NCKAP5: variants seen among roughly 807,000 people sequenced by gnomAD.
NCKAP5 encodes the protein NCK associated protein 5.
NCKAP5 carries 92 observed loss-of-function variants against 167.0 expected under a neutral mutation model. The ratio of observed to expected loss-of-function variants is 0.55; its 90% confidence interval spans 0.47 to 0.66. The LOEUF is 0.66. NCKAP5 is among the 30% of genes least tolerant of loss of function. The pLI, the probability that NCKAP5 is intolerant of heterozygous loss-of-function variation, is 0.00. For missense variants in NCKAP5, 2,378 were observed against 2,315.0 expected (o/e 1.03, Z -0.56); for synonymous variants, 891 against 877.4 (o/e 1.02, Z -0.27).
chr2:133,124,156 G>A lies in NCKAP5; in HGVS notation c.341+5822C>T, dbSNP rs566114270. On this transcript the variant is annotated intron_variant, in intron 6 of 19. Transcript: ENST00000409261. ...AAGGCTGTGGATGACGGTGCCAGGG[G>A]AGAAGGTCAGAACAGGTGCAAAGAA... 5.3e-5 allele frequency among the ~76,000 whole-genome samples: 8 copies of A among 152,338 alleles called. No homozygotes were observed. The South Asian group carries it at 1.5e-3, about 28-fold the overall frequency.
chr2:132,709,161 C>T (rs1479201288), intron 19 of NCKAP5, among the ~76,000 whole-genome samples: 1 of 151,628 alleles, frequency 6.6e-6, no homozygotes, highest in Non-Finnish European at 1.5e-5. Flanking sequence ...CCCCACCAAA[C>T]CAAAAGCAAG....
Position 132,975,498 on chromosome 2 carries a change from C to A in NCKAP5, c.430-11629G>T, listed in dbSNP as rs553715723. ...TTGCCTGCTCCATCTATCGGCAACACTTATTTCCCTAAAAAAATAGCCTCA... is the reference window on the plus strand; with the variant it reads ...TTGCCTGCTCCATCTATCGGCAACAATTATTTCCCTAAAAAAATAGCCTCA... On this transcript the variant is annotated intron_variant, in intron 7 of 19. Coordinates refer to ENST00000409261, the MANE Select transcript of NCKAP5 (RefSeq NM_207363.3). 2.6e-5 allele frequency among the ~76,000 whole-genome samples: 4 copies of A among 152,260 alleles called. No individual in the cohort carries two copies. The South Asian group carries it at 6.2e-4, about 24-fold the overall frequency.
intron 13 of NCKAP5, among the ~76,000 whole-genome samples, chr2:132,787,009 T>C (rs1558777637): frequency 6.6e-6 from 1 of 152,130 alleles, no homozygotes; most frequent in African/African-American, 2.4e-5. Flanking sequence ...CACTATTTCT[T>C]AAATGGTACT....
chr2:132,775,964 T>G (rs1286750905), intron 15 of NCKAP5, among the ~76,000 whole-genome samples: 1 of 152,210 alleles, frequency 6.6e-6, no homozygotes, highest in African/African-American at 2.4e-5. Flanking sequence ...TCTGCTGGCC[T>G]GTGAAATTCT....
At position 133,171,512 on chromosome 2, in the gene NCKAP5, G is replaced by A. The variant is rs2084248026; in HGVS notation, c.208-41401C>T. 1.3e-5 allele frequency among the ~76,000 whole-genome samples: 2 copies of A among 152,166 alleles called. 1 individual carries two copies. Among genetic ancestry groups the A allele is most frequent in the South Asian group, 4.1e-4 (2 of 4,822 alleles). On this transcript the variant is annotated intron_variant, in intron 5 of 19. Coordinates refer to ENST00000409261, the MANE Select transcript of NCKAP5 (RefSeq NM_207363.3). ...GAGAGGTCTGGTTCCATCATGCCCA[G>A]AGCACTATGTCACATGCATTCAACT...
At chr2:132,831,319 C>A (rs1227284259) in intron 11 of NCKAP5, among the ~76,000 whole-genome samples, 2 of 152,176 alleles carry the variant, frequency 1.3e-5, no homozygotes, top group African/African-American at 2.4e-5. Context: ...ATATCAAGAA[C>A]TGGCATTTCT....
At chr2:132,723,026 T>C (rs1690083438) in intron 19 of NCKAP5, among the ~76,000 whole-genome samples, 1 of 151,960 alleles carries the variant, frequency 6.6e-6, no homozygotes, top group Non-Finnish European at 1.5e-5. Flanking sequence ...AGGTTCTCAC[T>C]ATGTTGCCCA....
chr2:132,878,702 T>C (rs1190416344), intron 9 of NCKAP5, 146 bp downstream of exon 9: 1 of 677,918 alleles, frequency 1.5e-6, no homozygotes, highest in Admixed American at 2.3e-5. Context: ...CACTTCCTTT[T>C]CAATGGCTAC....
At chr2:133,612,648 TTCTCCTTGTTG>T in the NCKAP5 span, among the ~76,000 whole-genome samples, 1 of 152,200 alleles carries the variant, frequency 6.6e-6, no homozygotes, top group Non-Finnish European at 1.5e-5. Flanking sequence ...GGGCCTCCAT[TTCTCCTTGTTG>T]TCTCCTTGTT....
At chr2:133,091,977 G>A (rs771154887) in intron 6 of NCKAP5, among the ~76,000 whole-genome samples, 7 of 152,130 alleles carry the variant, frequency 4.6e-5, no homozygotes, top group African/African-American at 7.2e-5. Flanking sequence ...GTTTTGATGA[G>A]TACATTCTTC....
chr2:133,150,545 G>C (rs958306010), intron 5 of NCKAP5, among the ~76,000 whole-genome samples: 2 of 152,032 alleles, frequency 1.3e-5, no homozygotes, highest in African/African-American at 4.8e-5. Context: ...TGTCGGTGAG[G>C]GCTTCATCTA....
At chr2:132,736,264 C>T (rs901177410) in intron 16 of NCKAP5, among the ~76,000 whole-genome samples, 23 of 152,114 alleles carry the variant, frequency 1.5e-4, no homozygotes, top group African/African-American at 5.6e-4. Context: ...ATGCTGACAC[C>T]ATCTTTATGT....
chr2:133,531,566 G>A lies in NCKAP5; in HGVS notation c.-61-13979C>T, dbSNP rs544183991. On this transcript the variant is annotated intron_variant, in intron 2 of 19. Transcript: ENST00000409261. Reference sequence around the variant, plus strand: ...GCAACGTTTTTGGCTTTTCCTGTCCGATACTTACAAGTCTTGTTTCATTTT... The same window carrying A: ...GCAACGTTTTTGGCTTTTCCTGTCCAATACTTACAAGTCTTGTTTCATTTT... Among the ~76,000 whole-genome samples the A allele has an allele frequency of 3.0e-3, 456 of 152,054 alleles. 4 individuals carry two copies. Among genetic ancestry groups the A allele is most frequent in the Middle Eastern group, 6.8e-3 (2 of 294 alleles).
At chr2:132,682,919 C>G (rs950024567) in intron 19 of NCKAP5, among the ~76,000 whole-genome samples, 26 of 149,468 alleles carry the variant, frequency 1.7e-4, no homozygotes, top group Admixed American at 6.7e-4. Context: ...GAGTCTCACT[C>G]TGTTACCCAG....
intron 19 of NCKAP5, among the ~76,000 whole-genome samples, chr2:132,689,059 C>G (rs1399203170): frequency 6.6e-6 from 1 of 151,738 alleles, no homozygotes; most frequent in Non-Finnish European, 1.5e-5. Context: ...GTTGAACTCC[C>G]TACCCAGAAT....
chr2:132,882,325 G>C (rs1339161691), intron 8 of NCKAP5, among the ~76,000 whole-genome samples: 1 of 152,050 alleles, frequency 6.6e-6, no homozygotes, highest in Non-Finnish European at 1.5e-5. Context: ...GTCGCTTTCA[G>C]TGGAAGGATT....
At chr2:133,271,495 G>A (rs1029336554) in intron 4 of NCKAP5, among the ~76,000 whole-genome samples, 7 of 152,212 alleles carry the variant, frequency 4.6e-5, no homozygotes, top group Non-Finnish European at 8.8e-5. Flanking sequence ...GTCTGAGCAA[G>A]GCCTTTGCTA....
chr2:133,037,184 T>C (rs2079066470), intron 6 of NCKAP5, among the ~76,000 whole-genome samples: 1 of 152,140 alleles, frequency 6.6e-6, no homozygotes. Flanking sequence ...TCCATGTTCA[T>C]GGATTGAAAG....
At chr2:133,325,863 TC>T (rs1158572311) in intron 3 of NCKAP5, among the ~76,000 whole-genome samples, 3 of 152,206 alleles carry the variant, frequency 2.0e-5, no homozygotes, top group African/African-American at 7.2e-5. Flanking sequence ...CCTGGACCCA[TC>T]ATACATTGTG....
Sources: allele counts gnomAD v4.1 joint callset (sites outside exome capture counted in the v4.1 genomes callset), GRCh38; gene constraint gnomAD v4.1.1; transcripts MANE v1.5; gene names NCBI Gene and HGNC (gene_info 2026-07-23, HGNC 2026-07-21).